THSD7A: variants seen among roughly 807,000 people sequenced by gnomAD.
THSD7A encodes the protein thrombospondin type 1 domain containing 7A, also known as thrombospondin type-1 domain-containing protein 7A.
THSD7A carries 96 observed loss-of-function variants against 231.3 expected under a neutral mutation model. That is an observed-to-expected ratio of 0.41 (90% CI 0.35 to 0.49). The LOEUF (loss-of-function observed/expected upper bound fraction) is 0.49, where lower values mean the gene tolerates loss of function less well. Among genes scored for constraint, THSD7A ranks in the 20% least tolerant of loss-of-function variants. THSD7A has a pLI of 0.05. For missense variants in THSD7A, 2,290 were observed against 2,070.2 expected (o/e 1.11, Z -2.06); for synonymous variants, 940 against 743.3 (o/e 1.26, Z -4.30).
At chr7:11,747,799 T>C (rs1278114049) in intron 1 of THSD7A, among the ~76,000 whole-genome samples, 1 of 151,876 alleles carries the variant, frequency 6.6e-6, no homozygotes, top group Non-Finnish European at 1.5e-5. Context: ...GAAGTAATAT[T>C]TACTTTGAGC....
At chr7:11,807,786 A>G (rs1421816687) in intron 1 of THSD7A, among the ~76,000 whole-genome samples, 1 of 152,208 alleles carries the variant, frequency 6.6e-6, no homozygotes, top group Non-Finnish European at 1.5e-5. Context: ...AATCAATAAT[A>G]TTTTGCTACA....
chr7:11,430,627 G>C (rs1784451658), intron 13 of THSD7A, among the ~76,000 whole-genome samples: 1 of 150,778 alleles, frequency 6.6e-6, no homozygotes, highest in African/African-American at 2.5e-5. Flanking sequence ...CACCATGCCA[G>C]GCGAATTTTC....
chr7:11,658,617 G>T (rs1782797518), intron 1 of THSD7A, among the ~76,000 whole-genome samples: 1 of 151,636 alleles, frequency 6.6e-6, no homozygotes, highest in South Asian at 2.1e-4. Flanking sequence ...GCTATCGCAA[G>T]AAATCTCAGT....
In THSD7A at chr7:11,829,281, A is replaced by ATGTATTTATGTG. The variant is rs529745059; in HGVS notation, c.190+2464_190+2475dup. Among the ~76,000 whole-genome samples, 338 of 152,182 alleles carry ATGTATTTATGTG rather than the reference A, an allele frequency of 2.2e-3. 2 individuals are homozygous for ATGTATTTATGTG. The highest frequency in any genetic ancestry group is 0.011 in the East Asian group (57 of 5,178). Reference sequence around the variant, plus strand: ...TTATATACCCTTATTTGTTGTATATATGTATTTATGTGTGTATTTATAATA... The same window carrying ATGTATTTATGTG: ...TTATATACCCTTATTTGTTGTATATATGTATTTATGTGTGTATTTATGTGTGTATTTATAATA... On this transcript the variant is annotated intron_variant, in intron 1 of 27. Transcript: ENST00000423059.
At chr7:11,572,920 G>A (rs1380457534) in intron 4 of THSD7A, among the ~76,000 whole-genome samples, 5 of 151,894 alleles carry the variant, frequency 3.3e-5, no homozygotes, top group African/African-American at 2.4e-5. Context: ...TTTGAACTTT[G>A]TGAACAGTAT....
chr7:11,757,469 A>C (rs989445616), intron 1 of THSD7A, among the ~76,000 whole-genome samples: 1 of 152,050 alleles, frequency 6.6e-6, no homozygotes, highest in Admixed American at 6.6e-5. Flanking sequence ...CTTATCAATG[A>C]AAAAAAGAGA....
At chr7:11,686,942 C>G (rs1158020283) in intron 1 of THSD7A, among the ~76,000 whole-genome samples, 1 of 151,748 alleles carries the variant, frequency 6.6e-6, no homozygotes, top group Non-Finnish European at 1.5e-5. Flanking sequence ...AGGTAACAAA[C>G]CTGCACATGT....
chr7:11,454,091 ATTCAC>A (rs1785228215), intron 11 of THSD7A, among the ~76,000 whole-genome samples: 1 of 151,988 alleles, frequency 6.6e-6, no homozygotes, highest in South Asian at 2.1e-4. Flanking sequence ...TAAGCTGTCT[ATTCAC>A]TTCAAAGTTA....
intron 8 of THSD7A, among the ~76,000 whole-genome samples, chr7:11,472,866 C>G (rs1042814857): frequency 6.6e-6 from 1 of 152,294 alleles, no homozygotes; most frequent in South Asian, 2.1e-4. Context: ...TGCGCCACAA[C>G]AGGTTGGTCC....
intron 6 of THSD7A, among the ~76,000 whole-genome samples, chr7:11,527,800 T>C (rs546714354): frequency 2.0e-5 from 3 of 152,224 alleles, no homozygotes; most frequent in East Asian, 3.9e-4. Context: ...TAGACCTCTT[T>C]TGGGATAAAA....
intron 2 of THSD7A, among the ~76,000 whole-genome samples, chr7:11,635,157 A>AT (rs1781789037): frequency 6.6e-6 from 1 of 152,142 alleles, no homozygotes; most frequent in African/African-American, 2.4e-5. Flanking sequence ...AATTTGTCTT[A>AT]TATGTTTTTT....
At chr7:11,512,848 A>C (rs935826821) in intron 6 of THSD7A, among the ~76,000 whole-genome samples, 1 of 150,736 alleles carries the variant, frequency 6.6e-6, no homozygotes, top group Non-Finnish European at 1.5e-5. Flanking sequence ...TAAGGGGTGC[A>C]ACATACCAAC....
At chr7:11,495,791 C>G (rs917935739) in intron 6 of THSD7A, among the ~76,000 whole-genome samples, 1 of 152,066 alleles carries the variant, frequency 6.6e-6, no homozygotes, top group African/African-American at 2.4e-5. Context: ...AGTCTTTACC[C>G]TGAGGGTAAG....
chr7:11,801,189 GCATATTAGTTATAA>G (rs1446225215), intron 1 of THSD7A, among the ~76,000 whole-genome samples: 2 of 151,924 alleles, frequency 1.3e-5, no homozygotes, highest in African/African-American at 4.8e-5. Flanking sequence ...TGTGCCATTT[GCATATTAGTTATAA>G]CACAATAAAG....
intron 23 of THSD7A, chr7:11,383,855 C>T (rs1782622618): frequency 6.6e-6 from 1 of 152,008 alleles, no homozygotes; most frequent in Non-Finnish European, 1.5e-5. Context: ...CTGGGAGACA[C>T]TGACATTCTT....
At chr7:11,497,262 G>T (rs1787140651) in intron 6 of THSD7A, among the ~76,000 whole-genome samples, 2 of 152,140 alleles carry the variant, frequency 1.3e-5, no homozygotes, top group African/African-American at 4.8e-5. Flanking sequence ...CCTCTCAGCA[G>T]GTCCCTTTCA....
chr7:11,712,268 T>C (rs2128149167), intron 1 of THSD7A, among the ~76,000 whole-genome samples: 1 of 151,182 alleles, frequency 6.6e-6, no homozygotes, highest in South Asian at 2.1e-4. Context: ...TCCTGTGTAA[T>C]AAACACTCAT....
chr7:11,439,204 A>C (rs1679185585), intron 13 of THSD7A, among the ~76,000 whole-genome samples: 3 of 152,158 alleles, frequency 2.0e-5, no homozygotes, highest in South Asian at 4.1e-4. Context: ...AATGCATTAC[A>C]CAGAGTAATA....
At chr7:11,555,976 G>T (rs1374720746) in intron 4 of THSD7A, among the ~76,000 whole-genome samples, 1 of 151,594 alleles carries the variant, frequency 6.6e-6, no homozygotes, top group Non-Finnish European at 1.5e-5. Flanking sequence ...CATTATATTT[G>T]AAGTGAGTTT....
Sources: allele counts gnomAD v4.1 joint callset (sites outside exome capture counted in the v4.1 genomes callset), GRCh38; gene constraint gnomAD v4.1.1; transcripts MANE v1.5; gene names NCBI Gene and HGNC (gene_info 2026-07-23, HGNC 2026-07-21).